HECW1: variants seen among roughly 807,000 people sequenced by gnomAD.
The protein encoded by HECW1 is HECT, C2 and WW domain containing E3 ubiquitin protein ligase 1.
In HECW1, 61 loss-of-function variants were observed where a neutral mutation model predicts 182.3. That is an observed-to-expected ratio of 0.33 (90% CI 0.27 to 0.41). The LOEUF (loss-of-function observed/expected upper bound fraction) is 0.41. Ranked by LOEUF, HECW1 falls within the 10% of genes least tolerant of loss-of-function variation. HECW1 has a pLI of 1.00. For synonymous variants in HECW1, 859 were observed against 832.6 expected (o/e 1.03, Z -0.55); for missense variants, 1,739 against 2,108.9 (o/e 0.82, Z 3.44).
chr7:43,499,434 C>G (rs1473140649), intron 19 of HECW1, among the ~76,000 whole-genome samples: 1 of 150,746 alleles, frequency 6.6e-6, no homozygotes, highest in African/African-American at 2.4e-5. Flanking sequence ...TTACCACTGC[C>G]CTCCAGCCTG....
intron 2 of HECW1, among the ~76,000 whole-genome samples, chr7:43,124,943 C>A (rs1024110081): frequency 4.6e-5 from 7 of 152,086 alleles, no homozygotes; most frequent in Admixed American, 2.0e-4. Context: ...TTTCAAGATG[C>A]CTTAGTTTGG....
chr7:43,367,796 G>A (rs145452957), intron 6 of HECW1, among the ~76,000 whole-genome samples: 4 of 152,302 alleles, frequency 2.6e-5, no homozygotes, highest in African/African-American at 9.6e-5. Flanking sequence ...GGTGATATAA[G>A]TTGATGGTTA....
chr7:43,360,612 A>G (rs987146012), intron 5 of HECW1, among the ~76,000 whole-genome samples: 3 of 152,204 alleles, frequency 2.0e-5, no homozygotes, highest in African/African-American at 2.4e-5. Context: ...TTTTAAATCA[A>G]TGACCTCTAA....
In HECW1 at chr7:43,554,619, G is replaced by A. The variant is rs139970379; in HGVS notation, c.4538G>A (p.Arg1513His). 34 of 1,613,316 alleles carry A rather than the reference G, an allele frequency of 2.1e-5. No individual in the cohort carries two copies. The highest frequency in any genetic ancestry group is 1.6e-4 in the East Asian group (7 of 44,874). ...GGYHDGHLVI[R>H]WFWAAVERFN... ...TACCACGATGGGCATCTTGTGATCC[G>A]CTGGTTCTGGGCTGCGGTGGAGCGC... Residue 1513 changes from arginine (R) to histidine (H), a missense_variant, in exon 29 of 30, where the codon CGC becomes CAC. This residue lies in a region of HECW1 where 420 missense variants were observed against 595.7 expected (regional missense o/e 0.71). Coordinates refer to ENST00000395891, the MANE Select transcript of HECW1 (RefSeq NM_015052.5).
In HECW1 at chr7:43,542,111, A is replaced by G. The variant is rs913965366; in HGVS notation, c.4248+113A>G. The G allele has an allele frequency of 5.5e-6, 5 of 911,422 alleles. No individual in the cohort carries two copies. In the Admixed American group the frequency reaches 1.3e-4, roughly 24 times the overall value. The allele number at this position is 911,422 out of a possible 1,614,324, so 56.5% of individuals were successfully genotyped here. On this transcript the variant is annotated intron_variant, in intron 26 of 29. Transcript: ENST00000395891. ...TAAGTGTAGACTTCAGTGCTTCAGTATATCCACATTGTTGGCCATCCAATC... is the reference window on the plus strand; with the variant it reads ...TAAGTGTAGACTTCAGTGCTTCAGTGTATCCACATTGTTGGCCATCCAATC...
chr7:43,265,465 A>G (rs754063389), intron 3 of HECW1, among the ~76,000 whole-genome samples: 1 of 152,224 alleles, frequency 6.6e-6, no homozygotes, highest in Non-Finnish European at 1.5e-5. Context: ...CTATAATATC[A>G]GATAACATAA....
intron 14 of HECW1, among the ~76,000 whole-genome samples, chr7:43,465,853 G>A (rs1312316211): frequency 2.0e-5 from 3 of 151,770 alleles, no homozygotes; most frequent in Admixed American, 6.6e-5. Context: ...GCAATTGCGC[G>A]GCTGCACTCC....
At chr7:43,293,331 G>C (rs193253225) in intron 3 of HECW1, among the ~76,000 whole-genome samples, 16 of 152,134 alleles carry the variant, frequency 1.1e-4, no homozygotes, top group Admixed American at 3.9e-4. Flanking sequence ...GAATCTTCTT[G>C]GGTTCAAATA....
intron 19 of HECW1, among the ~76,000 whole-genome samples, chr7:43,495,423 T>C (rs2079083185): frequency 6.6e-6 from 1 of 152,180 alleles, no homozygotes; most frequent in Admixed American, 6.6e-5. Context: ...ATTTCTTTTG[T>C]CTTGCTTTGA....
intron 24 of HECW1, among the ~76,000 whole-genome samples, chr7:43,536,381 G>A (rs889684591): frequency 1.3e-5 from 2 of 152,188 alleles, no homozygotes; most frequent in Non-Finnish European, 2.9e-5. Context: ...CCACTGCCCA[G>A]GGGAGGCTCC....
chr7:43,423,901 G>A (rs1230057419), intron 8 of HECW1, among the ~76,000 whole-genome samples: 2 of 152,224 alleles, frequency 1.3e-5, no homozygotes. Flanking sequence ...TGGGGCTAGA[G>A]TCTGAGGAGA....
intron 2 of HECW1, among the ~76,000 whole-genome samples, chr7:43,191,283 A>G (rs1793896400): frequency 6.6e-6 from 1 of 152,216 alleles, no homozygotes; most frequent in Non-Finnish European, 1.5e-5. Context: ...GAGTACCCCC[A>G]GACTAGAAGA....
At chr7:43,262,247 C>CGTGTGTGTGTGT (rs10695541) in intron 3 of HECW1, among the ~76,000 whole-genome samples, 4,444 of 149,560 alleles carry the variant, frequency 0.03, 92 homozygotes, top group East Asian at 0.083. Flanking sequence ...TGTATGTGTG[C>CGTGTGTGTGTGT]GTGTGTGTGT....
intron 2 of HECW1, among the ~76,000 whole-genome samples, chr7:43,150,306 C>G (rs750507140): frequency 5.9e-5 from 9 of 152,226 alleles, no homozygotes; most frequent in Non-Finnish European, 1.2e-4. Context: ...GTGTATTCCT[C>G]TGACCAATTG....
chr7:43,354,965 A>T (rs551873808), intron 5 of HECW1, among the ~76,000 whole-genome samples: 13 of 152,140 alleles, frequency 8.5e-5, no homozygotes, highest in African/African-American at 3.1e-4. Flanking sequence ...ATCAGGCAGC[A>T]GACTTCTTAA....
rs2079348663 is a variant in HECW1 at position 43,501,278 on chromosome 7, T to C, written c.3587T>C (p.Phe1196Ser). 1 of 1,611,314 alleles carries C rather than the reference T, an allele frequency of 6.2e-7. No individual in the cohort carries two copies. The highest frequency in any genetic ancestry group is 1.3e-5 in the African/African-American group (1 of 74,528). The change falls in exon 21 of 30, where the codon TTC becomes TCC. Residue 1196 changes from phenylalanine to serine, a missense_variant. By Grantham distance (155) the Phe-to-Ser change is radical (BLOSUM62 -2). Around this residue, in one of 5 missense-constraint regions of HECW1, gnomAD observed 420 missense variants for 595.7 expected, o/e 0.71. Transcript: ENST00000395891. ...GCTGCCTTCCACCCTGGGTATAGCTTCTCTCCCCGATGTTCACCCTGTTCT... is the reference window on the plus strand; with the variant it reads ...GCTGCCTTCCACCCTGGGTATAGCTCCTCTCCCCGATGTTCACCCTGTTCT... ...LQAAFHPGYS[F>S]SPRCSPCSSP...
At chr7:43,253,107 T>G (rs1195256240) in intron 3 of HECW1, among the ~76,000 whole-genome samples, 2 of 150,884 alleles carry the variant, frequency 1.3e-5, no homozygotes. Context: ...CAGTAGCTGG[T>G]CAAGGCTCAA....
At position 43,396,903 on chromosome 7, in the gene HECW1, A is replaced by G. The variant is rs770785112; in HGVS notation, c.631+14A>G. On this transcript the variant is annotated intron_variant, in intron 7 of 29. Coordinates refer to ENST00000395891, the MANE Select transcript of HECW1 (RefSeq NM_015052.5). The stretch of plus-strand genomic sequence containing the variant: ...TCTCTCTCTCAGGTATGTTTTGCTC[A>G]CCTGAGACTTTGTGGAGAGACTAAG... 18 of 1,595,290 alleles carry G rather than the reference A, an allele frequency of 1.1e-5. No homozygotes were observed. The highest frequency in any genetic ancestry group is 1.5e-5 in the Non-Finnish European group (17 of 1,164,082).
At chr7:43,388,572 G>A (rs2074894365) in intron 6 of HECW1, among the ~76,000 whole-genome samples, 1 of 152,216 alleles carries the variant, frequency 6.6e-6, no homozygotes, top group South Asian at 2.1e-4. Context: ...GGGGATGTGT[G>A]ATGCTTCTGA....
Sources: allele counts gnomAD v4.1 joint callset (sites outside exome capture counted in the v4.1 genomes callset), GRCh38; gene constraint gnomAD v4.1.1; regional missense constraint gnomAD v4.1.1; transcripts MANE v1.5; gene names NCBI Gene and HGNC (gene_info 2026-07-23, HGNC 2026-07-21).